RPS6KC1: variants seen among roughly 807,000 people sequenced by gnomAD.
RPS6KC1 encodes inactive ribosomal protein S6 kinase delta-1.
Under a neutral mutation model 103.8 loss-of-function variants are expected in RPS6KC1, and 54 were observed. The ratio of observed to expected loss-of-function variants is 0.52; its 90% confidence interval spans 0.42 to 0.65. The LOEUF is 0.65. RPS6KC1 is among the 30% of genes least tolerant of loss of function. The pLI is 0.00. For missense variants in RPS6KC1, 1,151 were observed against 1,253.8 expected (o/e 0.92, Z 1.24); for synonymous variants, 439 against 438.7 (o/e 1.00, Z -0.01).
intron 3 of RPS6KC1, among the ~76,000 whole-genome samples, chr1:213,081,405 A>G (rs985019742): frequency 6.6e-6 from 1 of 152,162 alleles, no homozygotes; most frequent in East Asian, 1.9e-4. Flanking sequence ...ACGGGAACTA[A>G]GAGTGAGAAC....
chr1:213,312,924 T>C, the RPS6KC1 span, among the ~76,000 whole-genome samples: 2 of 152,240 alleles, frequency 1.3e-5, no homozygotes, highest in African/African-American at 2.4e-5. Context: ...ATGCATTTCA[T>C]GCTAAAAGTT....
chr1:213,722,141 T>G, the RPS6KC1 span, among the ~76,000 whole-genome samples: 1 of 152,040 alleles, frequency 6.6e-6, no homozygotes. Flanking sequence ...AGCTCCATAG[T>G]GGTACCCTCT....
At chr1:213,817,562 G>A in the RPS6KC1 span, among the ~76,000 whole-genome samples, 13 of 152,250 alleles carry the variant, frequency 8.5e-5, no homozygotes, top group East Asian at 2.5e-3. Context: ...CTCCTTCAGA[G>A]GGCTCAAAAC....
At chr1:213,730,424 C>A in the RPS6KC1 span, among the ~76,000 whole-genome samples, 1 of 152,194 alleles carries the variant, frequency 6.6e-6, no homozygotes, top group African/African-American at 2.4e-5. Context: ...CACAACCTCA[C>A]CAGCATCTGT....
At chr1:213,749,944 T>A in the RPS6KC1 span, among the ~76,000 whole-genome samples, 1 of 152,236 alleles carries the variant, frequency 6.6e-6, no homozygotes, top group East Asian at 1.9e-4. Flanking sequence ...TTTGTTTGTT[T>A]ACCTAACTTC....
At chr1:213,627,020 A>G in the RPS6KC1 span, among the ~76,000 whole-genome samples, 2 of 152,154 alleles carry the variant, frequency 1.3e-5, no homozygotes, top group South Asian at 2.1e-4. Context: ...CTTGGGCAGT[A>G]TGGCCATTTT....
the RPS6KC1 span, among the ~76,000 whole-genome samples, chr1:213,394,925 G>T: frequency 6.6e-6 from 1 of 152,218 alleles, no homozygotes; most frequent in African/African-American, 2.4e-5. Context: ...GAGGCTCAGG[G>T]CACCATCAGT....
intron 5 of RPS6KC1, among the ~76,000 whole-genome samples, chr1:213,120,759 T>C (rs1184080352): frequency 6.6e-6 from 1 of 152,062 alleles, no homozygotes; most frequent in East Asian, 1.9e-4. Context: ...GCAGAGGGGG[T>C]AAATCTTAAT....
At chr1:213,106,433 A>G (rs1409702055) in intron 4 of RPS6KC1, among the ~76,000 whole-genome samples, 1 of 152,182 alleles carries the variant, frequency 6.6e-6, no homozygotes, top group African/African-American at 2.4e-5. Context: ...AGTTTTTAAA[A>G]GCTTTCCCAG....
At chr1:213,301,891 A>C in the RPS6KC1 span, among the ~76,000 whole-genome samples, 1 of 151,506 alleles carries the variant, frequency 6.6e-6, no homozygotes, top group Non-Finnish European at 1.5e-5. Context: ...GTGCACCACC[A>C]CCCCCAGCTA....
At chr1:213,362,106 T>C in the RPS6KC1 span, among the ~76,000 whole-genome samples, 1 of 152,244 alleles carries the variant, frequency 6.6e-6, no homozygotes, top group African/African-American at 2.4e-5. Context: ...GATGTCAGGT[T>C]TGAGAACTGG....
At chr1:213,352,694 G>A in the RPS6KC1 span, among the ~76,000 whole-genome samples, 1 of 152,202 alleles carries the variant, frequency 6.6e-6, no homozygotes, top group African/African-American at 2.4e-5. Flanking sequence ...GTCAATCAGA[G>A]TTTAACCCAG....
At chr1:213,160,078 G>C (rs2090312051) in intron 6 of RPS6KC1, among the ~76,000 whole-genome samples, 1 of 152,058 alleles carries the variant, frequency 6.6e-6, no homozygotes, top group Admixed American at 6.6e-5. Context: ...ATTAAACTTT[G>C]TCATGTGTAA....
chr1:213,095,439 A>C (rs1181443455), intron 3 of RPS6KC1, among the ~76,000 whole-genome samples: 1 of 152,244 alleles, frequency 6.6e-6, no homozygotes, highest in Non-Finnish European at 1.5e-5. Context: ...TAAATAATAA[A>C]AACAACATAG....
At chr1:213,086,384 C>T (rs143431150) in intron 3 of RPS6KC1, among the ~76,000 whole-genome samples, 1 of 152,294 alleles carries the variant, frequency 6.6e-6, no homozygotes, top group African/African-American at 2.4e-5. Flanking sequence ...GTTCCTTGCC[C>T]ATGAAGTTTG....
At chr1:213,292,152 A>T in the RPS6KC1 span, among the ~76,000 whole-genome samples, 1 of 152,150 alleles carries the variant, frequency 6.6e-6, no homozygotes, top group African/African-American at 2.4e-5. Flanking sequence ...CTAATGCTAA[A>T]TGACGAGTTA....
In RPS6KC1 at chr1:213,241,508, T is replaced by C; in HGVS notation, c.2032T>C (p.Phe678Leu). Residue 678 changes from phenylalanine to leucine, a missense_variant, in exon 11 of 15, where the codon TTT (phenylalanine) becomes CTT (leucine). Coordinates refer to ENST00000366960, the MANE Select transcript of RPS6KC1 (RefSeq NM_012424.6). ...AGTTATTTCATTTAAAGATGCTGCTTTTGATGATGTCAGTGGTACTGATGA... is the reference window on the plus strand; with the variant it reads ...AGTTATTTCATTTAAAGATGCTGCTCTTGATGATGTCAGTGGTACTGATGA... ...VPVISFKDAA[F>L]DDVSGTDEGR... 6.2e-7 allele frequency: 1 copy of C among 1,613,986 alleles called. No homozygotes were observed. Among genetic ancestry groups the C allele is most frequent in the Admixed American group, 1.7e-5 (1 of 59,962 alleles).
the RPS6KC1 span, among the ~76,000 whole-genome samples, chr1:213,400,600 A>G: frequency 2.0e-5 from 3 of 152,014 alleles, no homozygotes; most frequent in Non-Finnish European, 4.4e-5. Context: ...AGGTCCTACT[A>G]ATTAGCAGCA....
In RPS6KC1 at chr1:213,273,067, A is replaced by G. The variant is rs546385830; in HGVS notation, c.*433A>G. On this transcript the variant is annotated 3_prime_UTR_variant, in exon 15 of 15. Transcript: ENST00000366960. ...TAAATTAATATTTGCTTAATAATACACTAAAAGTATATGAACAATGTCATC... is the reference window on the plus strand; with the variant it reads ...TAAATTAATATTTGCTTAATAATACGCTAAAAGTATATGAACAATGTCATC... The G allele has an allele frequency of 4.1e-3, 643 of 158,434 alleles. 6 individuals are homozygous for G. The highest frequency in any genetic ancestry group is 0.015 in the African/African-American group (605 of 41,684). The allele number at this position is 158,434 out of a possible 1,614,324, so 9.8% of individuals were successfully genotyped here.
Sources: allele counts gnomAD v4.1 joint callset (sites outside exome capture counted in the v4.1 genomes callset), GRCh38; gene constraint gnomAD v4.1.1; transcripts MANE v1.5; gene names NCBI Gene and HGNC (gene_info 2026-07-23, HGNC 2026-07-21).